The following OXR1 variants were observed in gnomAD, a reference collection of about 807,000 sequenced individuals.
OXR1 encodes the protein oxidation resistance protein 1.
In OXR1, 41 loss-of-function variants were observed where a neutral mutation model predicts 104.6. The observed-to-expected ratio is 0.39, with a 90% CI of 0.31 to 0.51. The LOEUF (loss-of-function observed/expected upper bound fraction) is 0.51. Ranked by LOEUF, OXR1 falls within the 20% of genes least tolerant of loss-of-function variation. OXR1 has a pLI of 0.77. For missense variants in OXR1, 955 were observed against 1,031.9 expected (o/e 0.93, Z 1.02); for synonymous variants, 348 against 348.4 (o/e 1.00, Z 0.01).
At chr8:106,512,983 C>CTG (rs1180983125) in intron 2 of OXR1, among the ~76,000 whole-genome samples, 4 of 152,088 alleles carry the variant, frequency 2.6e-5, no homozygotes, top group African/African-American at 9.7e-5. Context: ...GGCGTTTGCC[C>CTG]TGGGCTTTGG....
intron 3 of OXR1, among the ~76,000 whole-genome samples, chr8:106,548,894 C>T (rs1364159012): frequency 6.6e-6 from 1 of 152,168 alleles, no homozygotes; most frequent in Non-Finnish European, 1.5e-5. Flanking sequence ...CAGCCTAAAA[C>T]CAGCTGCAGA....
chr8:106,513,073 C>G (rs1812642070), intron 2 of OXR1, among the ~76,000 whole-genome samples: 1 of 152,052 alleles, frequency 6.6e-6, no homozygotes, highest in South Asian at 2.1e-4. Context: ...GTAAGATTTC[C>G]TATGCTTCTA....
chr8:106,707,395 C>G lies in OXR1; in HGVS notation c.1624+250C>G, dbSNP rs1587177561. 8 of 600,516 alleles carry G rather than the reference C, an allele frequency of 1.3e-5. No individual in the cohort carries two copies. The East Asian group carries it at 2.0e-4, about 15-fold the overall frequency. The allele number at this position is 600,516 out of a possible 1,614,324, so 37.2% of individuals were successfully genotyped here. On this transcript the variant is annotated intron_variant, in intron 9 of 16. Transcript: ENST00000517566. ...ATGTTTAAACATTCTTGGCTCACTACATCGTATCATTAAACAATTTATTTC... is the reference window on the plus strand; with the variant it reads ...ATGTTTAAACATTCTTGGCTCACTAGATCGTATCATTAAACAATTTATTTC...
At chr8:106,563,786 A>C (rs1045356670) in intron 3 of OXR1, among the ~76,000 whole-genome samples, 4 of 152,136 alleles carry the variant, frequency 2.6e-5, no homozygotes, top group African/African-American at 4.8e-5. Flanking sequence ...CATAACAAAC[A>C]GTCTCTCAGA....
chr8:106,426,155 GGAT>G (rs1364854548), intron 2 of OXR1, among the ~76,000 whole-genome samples: 1 of 152,048 alleles, frequency 6.6e-6, no homozygotes, highest in African/African-American at 2.4e-5. Flanking sequence ...CCCTCATATG[GGAT>G]AATAATATTT....
At chr8:106,417,560 T>C (rs572410513) in intron 2 of OXR1, among the ~76,000 whole-genome samples, 2 of 152,262 alleles carry the variant, frequency 1.3e-5, no homozygotes, top group African/African-American at 4.8e-5. Context: ...AATAAGATCA[T>C]TTATTAAAAT....
At chr8:106,478,978 C>T (rs1014656054) in intron 2 of OXR1, among the ~76,000 whole-genome samples, 6 of 151,802 alleles carry the variant, frequency 4.0e-5, no homozygotes, top group African/African-American at 1.4e-4. Context: ...AATTCTCTTC[C>T]AGTCCCATAC....
intron 3 of OXR1, chr8:106,604,859 T>C (rs1227298480): frequency 6.6e-6 from 1 of 150,786 alleles, no homozygotes; most frequent in Non-Finnish European, 1.5e-5. Flanking sequence ...ATTGAAGCTG[T>C]TTATCTGTGT....
At chr8:106,286,421 C>T (rs745719704) in intron 1 of OXR1, among the ~76,000 whole-genome samples, 17 of 145,812 alleles carry the variant, frequency 1.2e-4, no homozygotes, top group Admixed American at 2.7e-4. Context: ...TAAATGCTGC[C>T]TAAACTGTCC....
chr8:106,561,711 C>T (rs1437556996), intron 3 of OXR1, among the ~76,000 whole-genome samples: 1 of 152,186 alleles, frequency 6.6e-6, no homozygotes, highest in Admixed American at 6.5e-5. Flanking sequence ...TCGACAGACA[C>T]CTCATCCAGG....
rs1818688490 is a variant in OXR1 at position 106,416,606 on chromosome 8, A to C, written c.23+56970A>C. Among the ~76,000 whole-genome samples, 4 of 152,196 alleles carry C rather than the reference A, an allele frequency of 2.6e-5. No homozygotes were observed. In the South Asian group the frequency reaches 8.3e-4, roughly 32 times the overall value. ...AATTTTCAATGAGATAATGCAAGCAAAGTGAATACCATAGTGCACAGCAAA... is the reference window on the plus strand; with the variant it reads ...AATTTTCAATGAGATAATGCAAGCACAGTGAATACCATAGTGCACAGCAAA... On this transcript the variant is annotated intron_variant, in intron 2 of 16. Coordinates refer to ENST00000517566, the MANE Select transcript of OXR1 (RefSeq NM_001198533.2).
intron 1 of OXR1, among the ~76,000 whole-genome samples, chr8:106,335,746 A>T (rs866009579): frequency 8.5e-5 from 13 of 152,080 alleles, no homozygotes; most frequent in African/African-American, 3.1e-4. Context: ...TTTTTTTCTT[A>T]TAAAAGAGTG....
At chr8:106,572,793 T>G (rs1428057613) in intron 3 of OXR1, among the ~76,000 whole-genome samples, 1 of 152,196 alleles carries the variant, frequency 6.6e-6, no homozygotes, top group Non-Finnish European at 1.5e-5. Flanking sequence ...CTCTACCCAT[T>G]GCTCAGTTCC....
intron 2 of OXR1, among the ~76,000 whole-genome samples, chr8:106,417,300 A>G (rs1448963110): frequency 6.6e-6 from 1 of 152,160 alleles, no homozygotes; most frequent in Non-Finnish European, 1.5e-5. Flanking sequence ...GAACTCCACT[A>G]TTATGCAAAT....
At chr8:106,295,476 A>G (rs968502104) in intron 1 of OXR1, among the ~76,000 whole-genome samples, 1 of 152,170 alleles carries the variant, frequency 6.6e-6, no homozygotes, top group African/African-American at 2.4e-5. Flanking sequence ...ACGTTATACA[A>G]CATGTTATGC....
intron 3 of OXR1, among the ~76,000 whole-genome samples, chr8:106,600,070 AG>A (rs1819846848): frequency 1.3e-5 from 2 of 152,204 alleles, no homozygotes; most frequent in Admixed American, 1.3e-4. Flanking sequence ...GGTTCCTAAC[AG>A]GCCAAGGGCC....
intron 7 of OXR1, among the ~76,000 whole-genome samples, chr8:106,696,984 G>A (rs188897517): frequency 2.8e-3 from 421 of 152,284 alleles, no homozygotes; most frequent in Non-Finnish European, 4.6e-3. Flanking sequence ...AGTTCCTGCA[G>A]CCACAGCTGT....
intron 16 of OXR1, among the ~76,000 whole-genome samples, chr8:106,750,042 G>T (rs927697238): frequency 2.0e-5 from 3 of 151,666 alleles, no homozygotes; most frequent in African/African-American, 7.3e-5. Flanking sequence ...TTATTTACTA[G>T]GTCCTTAACA....
intron 1 of OXR1, among the ~76,000 whole-genome samples, chr8:106,317,122 A>AGCACAGTT (rs1404488282): frequency 6.6e-6 from 1 of 152,218 alleles, no homozygotes; most frequent in African/African-American, 2.4e-5. Context: ...CAGCAGTTAC[A>AGCACAGTT]GCACAGTTGA....
Sources: allele counts gnomAD v4.1 joint callset (sites outside exome capture counted in the v4.1 genomes callset), GRCh38; gene constraint gnomAD v4.1.1; transcripts MANE v1.5; gene names NCBI Gene and HGNC (gene_info 2026-07-23, HGNC 2026-07-21).